Variants in CRYBG1 observed in about 807,000 individuals in gnomAD.
CRYBG1 encodes the protein crystallin beta-gamma domain containing 1.
Under a neutral mutation model 189.2 loss-of-function variants are expected in CRYBG1, and 139 were observed. The observed-to-expected ratio is 0.73, with a 90% CI of 0.64 to 0.85. CRYBG1 has a LOEUF of 0.85. Among genes scored for constraint, CRYBG1 ranks in the 40% least tolerant of loss-of-function variants. CRYBG1 has a pLI of 0.00. For missense variants in CRYBG1, 2,611 were observed against 2,675.8 expected, an observed-to-expected ratio of 0.98 and a Z score of 0.53; for synonymous variants, 1,023 against 1,017.1, an observed-to-expected ratio of 1.01 and a Z score of -0.11.
At chr6:106,525,525 G>A in intron 6 of CRYBG1, 139 bp downstream of exon 6, 1 of 700,480 alleles carries the variant, frequency 1.4e-6, no homozygotes, top group African/African-American at 1.8e-5. Context: ...GGTAAGATAA[G>A]GGATTCATAT....
intron 2 of CRYBG1, among the ~76,000 whole-genome samples, chr6:106,458,447 AC>A (rs1771934213): frequency 6.6e-6 from 1 of 152,074 alleles, no homozygotes; most frequent in Non-Finnish European, 1.5e-5. Flanking sequence ...GTTGCCACTT[AC>A]CTTGAATGTA....
chr6:106,394,690 G>A (rs796572438), intron 1 of CRYBG1, among the ~76,000 whole-genome samples: 5 of 152,280 alleles, frequency 3.3e-5, no homozygotes, highest in African/African-American at 9.6e-5. Flanking sequence ...GTGCATTGGA[G>A]TTAAATGAAC....
intron 1 of CRYBG1, among the ~76,000 whole-genome samples, chr6:106,404,675 A>G (rs1472408748): frequency 6.6e-6 from 1 of 152,088 alleles, no homozygotes; most frequent in East Asian, 1.9e-4. Context: ...TTTCCAACTG[A>G]GGTACCTGGC....
intron 10 of CRYBG1, 61 bp downstream of exon 10, chr6:106,541,682 A>ATGTG: frequency 3.1e-5 from 34 of 1,112,372 alleles, no homozygotes; most frequent in Non-Finnish European, 3.8e-5. Flanking sequence ...ATATACACAT[A>ATGTG]TATATGTACT....
intron 2 of CRYBG1, among the ~76,000 whole-genome samples, chr6:106,509,142 G>C (rs538635446): frequency 6.6e-6 from 1 of 152,294 alleles, no homozygotes; most frequent in South Asian, 2.1e-4. Flanking sequence ...GGCCTGTCCA[G>C]ACAGCAGAGA....
intron 1 of CRYBG1, among the ~76,000 whole-genome samples, chr6:106,375,976 A>C (rs529864024): frequency 6.6e-6 from 1 of 152,370 alleles, no homozygotes; most frequent in South Asian, 2.1e-4. Flanking sequence ...ATACTATAAT[A>C]AAAATTACAT....
Position 106,571,853 on chromosome 6 carries a change from G to A in CRYBG1, c.*3287G>A, listed in dbSNP as rs1049771614. ...TTTTATATCAATTACTGGCCAAAAT[G>A]GTGTGTTTATTTTTTAAAGCTTGTA... is the stretch of plus-strand genomic sequence containing the variant. On this transcript the variant is annotated 3_prime_UTR_variant, in exon 22 of 22. Coordinates refer to ENST00000633556, the MANE Select transcript of CRYBG1 (RefSeq NM_001371242.2). 5.3e-6 allele frequency: 3 copies of A among 570,244 alleles called. No homozygotes were observed. The highest frequency in any genetic ancestry group is 9.4e-6 in the Non-Finnish European group (3 of 319,732). The allele number at this position is 570,244 out of a possible 1,614,324, so 35.3% of individuals were successfully genotyped here.
Position 106,451,146 on chromosome 6 carries a change from G to A in CRYBG1, c.174-548G>A, listed in dbSNP as rs575768648. On this transcript the variant is annotated intron_variant, in intron 1 of 21. Transcript: ENST00000633556. ...GTTGGATAAAGGGAATGGCTTTGGGGTAGGCAACCATCAGAGTCTGTAAAA... is the reference window on the plus strand; with the variant it reads ...GTTGGATAAAGGGAATGGCTTTGGGATAGGCAACCATCAGAGTCTGTAAAA... Among the ~76,000 whole-genome samples the A allele has an allele frequency of 2.6e-5, 4 of 152,266 alleles. No homozygotes were observed. In the East Asian group the frequency reaches 7.7e-4, roughly 29 times the overall value.
chr6:106,547,318 G>A (rs1019851812), intron 13 of CRYBG1, among the ~76,000 whole-genome samples: 21 of 152,204 alleles, frequency 1.4e-4, no homozygotes, highest in Admixed American at 5.9e-4. Flanking sequence ...TATTTATTGC[G>A]GTCTGTTATG....
intron 1 of CRYBG1, among the ~76,000 whole-genome samples, chr6:106,421,749 A>G (rs963796312): frequency 2.6e-5 from 4 of 152,164 alleles, no homozygotes; most frequent in Non-Finnish European, 5.9e-5. Context: ...GCTGATAAAG[A>G]CATAACCTGA....
At chr6:106,370,815 C>T (rs960142091) in intron 1 of CRYBG1, among the ~76,000 whole-genome samples, 3 of 152,166 alleles carry the variant, frequency 2.0e-5, no homozygotes, top group Non-Finnish European at 4.4e-5. Flanking sequence ...AGGAGCCCAA[C>T]TGACTCATCT....
chr6:106,428,116 G>C (rs906046352), intron 1 of CRYBG1, among the ~76,000 whole-genome samples: 1 of 152,114 alleles, frequency 6.6e-6, no homozygotes, highest in Admixed American at 6.5e-5. Context: ...ATCAATACCT[G>C]ACATTATAAT....
intron 1 of CRYBG1, among the ~76,000 whole-genome samples, chr6:106,361,368 A>G (rs1771866111): frequency 6.6e-6 from 1 of 152,226 alleles, no homozygotes; most frequent in Non-Finnish European, 1.5e-5. Context: ...CTCCCGCATC[A>G]GCCTGCTAAC....
rs549052069 is a variant in CRYBG1 at position 106,409,734 on chromosome 6, T to C, written c.174-41960T>C. ...AAATAACACCTCACATCTATAACCA[T>C]CTGATCTTTGACAAACCTGACAAAA... On this transcript the variant is annotated intron_variant, in intron 1 of 21. Transcript: ENST00000633556. Among the ~76,000 whole-genome samples, 3 of 152,214 alleles carry C rather than the reference T, an allele frequency of 2.0e-5. No homozygotes were observed. In the South Asian group the frequency reaches 6.2e-4, roughly 32 times the overall value.
chr6:106,452,471 C>T (rs11751444), intron 2 of CRYBG1, among the ~76,000 whole-genome samples: 19,690 of 150,524 alleles, frequency 0.13, 1,321 homozygotes, highest in Middle Eastern at 0.16. Context: ...TGACTCTTTG[C>T]TTTTTGCTGC....
intron 1 of CRYBG1, among the ~76,000 whole-genome samples, chr6:106,363,645 G>A (rs964845562): frequency 1.3e-5 from 2 of 152,148 alleles, no homozygotes; most frequent in African/African-American, 2.4e-5. Context: ...TAAATAAGGA[G>A]GGGACAGTCA....
chr6:106,497,056 G>A (rs1772867595), intron 2 of CRYBG1, among the ~76,000 whole-genome samples: 1 of 152,138 alleles, frequency 6.6e-6, no homozygotes. Context: ...TAGTAAGAGG[G>A]TGATGAAATA....
rs1770621875 is a variant in CRYBG1 at position 106,396,718 on chromosome 6, G to A, written c.173+35637G>A. On this transcript the variant is annotated intron_variant, in intron 1 of 21. Coordinates refer to ENST00000633556, the MANE Select transcript of CRYBG1 (RefSeq NM_001371242.2). Reference sequence around the variant, plus strand: ...ACATAGAAATTTGGAGTCTTGCACTGTTGCCCAGGCTGGGGTGCAGTGGCA... The same window carrying A: ...ACATAGAAATTTGGAGTCTTGCACTATTGCCCAGGCTGGGGTGCAGTGGCA... Among the ~76,000 whole-genome samples the A allele has an allele frequency of 2.0e-5, 3 of 152,206 alleles. 1 individual carries two copies. The South Asian group carries it at 6.2e-4, about 32-fold the overall frequency.
intron 4 of CRYBG1, among the ~76,000 whole-genome samples, chr6:106,521,711 CTTTTTTTTTT>C (rs397976859): frequency 1.4e-5 from 1 of 72,186 alleles, no homozygotes; most frequent in East Asian, 4.9e-4. Flanking sequence ...GGCACATGAT[CTTTTTTTTTT>C]TTTTTTTTTT....
Sources: allele counts gnomAD v4.1 joint callset (sites outside exome capture counted in the v4.1 genomes callset), GRCh38; gene constraint gnomAD v4.1.1; transcripts MANE v1.5; gene names NCBI Gene and HGNC (gene_info 2026-07-23, HGNC 2026-07-21).